The following CYTH3 variants were observed in gnomAD, a reference collection of about 807,000 sequenced individuals.
CYTH3 encodes cytohesin-3.
In CYTH3, 23 loss-of-function variants were observed where a neutral mutation model predicts 55.1. That is an observed-to-expected ratio of 0.42 (90% CI 0.30 to 0.59). CYTH3 has a LOEUF of 0.59. Among genes scored for constraint, CYTH3 ranks in the 20% least tolerant of loss-of-function variants. CYTH3 has a pLI of 0.20. For missense variants in CYTH3, 413 were observed against 524.8 expected, an observed-to-expected ratio of 0.79 and a Z score of 2.08; for synonymous variants, 249 against 194.9, an observed-to-expected ratio of 1.28 and a Z score of -2.31.
In CYTH3 at chr7:6,167,875, AGCTCCACCTTGGGTCCCCC is replaced by A. The variant is rs1251487329; in HGVS notation, c.824-2084_824-2066del. 2.0e-5 allele frequency among the ~76,000 whole-genome samples: 3 copies of A among 152,158 alleles called. No individual in the cohort carries two copies. The highest frequency in any genetic ancestry group is 2.9e-5 in the Non-Finnish European group (2 of 68,018). ...GGAGGGGTCTGCCAGGTGGCCTCTC[AGCTCCACCTTGGGTCCCCC>A]GCTCACACCTCCCATGCAGAGCCCC... On this transcript the variant is annotated intron_variant, in intron 9 of 12. Coordinates refer to ENST00000350796, the MANE Select transcript of CYTH3 (RefSeq NM_004227.4). This position sits in a 1 kb window ranked among gnomAD's most constrained non-coding sequence, Gnocchi z 5.5.
rs544776745 is a variant in CYTH3, at chr7:6,171,063, G to A, written c.563-85C>T. ...CGTGCTGGGGGCCCGCCTGCAAGAG[G>A]TGCCCGGCCCACAGGTCGTCCTCGC... On this transcript the variant is annotated intron_variant, in intron 7 of 12. Coordinates refer to ENST00000350796, the MANE Select transcript of CYTH3 (RefSeq NM_004227.4). The surrounding 1 kb of genome is among the most constrained non-coding windows in gnomAD (Gnocchi z 6.7). 27 of 1,595,724 alleles carry A rather than the reference G, an allele frequency of 1.7e-5. No individual in the cohort carries two copies. The African/African-American group carries it at 3.2e-4, about 19-fold the overall frequency.
intron 1 of CYTH3, among the ~76,000 whole-genome samples, chr7:6,256,262 C>T (rs567754666): frequency 6.6e-6 from 1 of 152,266 alleles, no homozygotes; most frequent in African/African-American, 2.4e-5. Context: ...GATATTCTCT[C>T]CAAAGGGAGT....
rs775587767 is a variant in CYTH3, at chr7:6,171,238, A to G, written c.526T>C (p.Tyr176His). The stretch of plus-strand genomic sequence containing the variant: ...AAGACCCCGGGGTTGCACAGGCAGT[A>G]GCGAGAAGCGAAAGCCTCCATCATG... Reference protein sequence around the residue: ...DRMMEAFASRYCLCNPGVFQS... With the variant: ...DRMMEAFASRHCLCNPGVFQS... The change falls in exon 7 of 13, where the codon TAC (tyrosine) becomes CAC (histidine). Residue 176 changes from tyrosine (Y) to histidine (H), a missense_variant. Tyr to His is a moderately conservative substitution (Grantham distance 83). Transcript: ENST00000350796. The surrounding 1 kb of genome is among the most constrained non-coding windows in gnomAD (Gnocchi z 6.7). 1 of 1,614,162 alleles carries G rather than the reference A, an allele frequency of 6.2e-7. No individual in the cohort carries two copies.
chr7:6,170,638 A>G lies in CYTH3; in HGVS notation c.720T>C (p.Tyr240=). The G allele has an allele frequency of 6.2e-7, 1 of 1,613,742 alleles. No individual in the cohort carries two copies. Among genetic ancestry groups the G allele is most frequent in the Non-Finnish European group, 8.5e-7 (1 of 1,179,800 alleles). ...DLPEELLRNL[Y]ESIKNEPFKI... ...TAAATGGCTCGTTCTTAATGCTCTC[A>G]TACAAATTCTGCAAGGAGGGAAAAC... is the stretch of plus-strand genomic sequence containing the variant. Residue 240 remains tyrosine (Y), a synonymous_variant, in exon 9 of 13, where the codon TAT becomes TAC. Transcript: ENST00000350796. This position sits in a 1 kb window ranked among gnomAD's most constrained non-coding sequence, Gnocchi z 7.8.
chr7:6,263,151 A>G (rs1583207324), intron 1 of CYTH3, among the ~76,000 whole-genome samples: 1 of 152,230 alleles, frequency 6.6e-6, no homozygotes, highest in South Asian at 2.1e-4. Flanking sequence ...CACTTACGAG[A>G]AACCTTCACA....
In CYTH3 at chr7:6,164,719, CACGGT is replaced by C; in HGVS notation, c.*220_*224del. The stretch of plus-strand genomic sequence containing the variant: ...GGAGGCCTCGAGGATCAGTCTGGGC[CACGGT>C]ACGCTCTGGAGCAGCAGCTTGCACT... On this transcript the variant is annotated 3_prime_UTR_variant, in exon 13 of 13. Coordinates refer to ENST00000350796, the MANE Select transcript of CYTH3 (RefSeq NM_004227.4). 3 of 618,650 alleles carry C rather than the reference CACGGT, an allele frequency of 4.8e-6. No individual in the cohort carries two copies. The highest frequency in any genetic ancestry group is 8.6e-6 in the Non-Finnish European group (3 of 347,524). 38.3% of individuals were successfully genotyped at this position (618,650 alleles called of 1,614,324 possible).
At chr7:6,244,023 C>T (rs1267390613) in intron 1 of CYTH3, among the ~76,000 whole-genome samples, 1 of 152,082 alleles carries the variant, frequency 6.6e-6, no homozygotes, top group African/African-American at 2.4e-5. Flanking sequence ...ATTAGAATTC[C>T]TGTATTTACA....
intron 1 of CYTH3, among the ~76,000 whole-genome samples, chr7:6,239,692 T>C (rs1320561616): frequency 6.6e-6 from 1 of 152,136 alleles, no homozygotes; most frequent in African/African-American, 2.4e-5. Context: ...AAAATTAATA[T>C]AGAGAAATCA....
chr7:6,214,583 T>C (rs2128549969), intron 1 of CYTH3, among the ~76,000 whole-genome samples: 1 of 152,298 alleles, frequency 6.6e-6, no homozygotes, highest in Admixed American at 6.5e-5. Flanking sequence ...TGAGAGCTGG[T>C]ACCTAAGAGG....
At position 6,164,872 on chromosome 7, in the gene CYTH3, C is replaced by A; in HGVS notation, c.*72G>T. The A allele has an allele frequency of 6.4e-7, 1 of 1,568,392 alleles. No individual in the cohort carries two copies. ...GGCGACTGCCTCCCTGCCACGCCTT[C>A]CGCGGAGGGGCCGCCCGCGGTGTCT... is the stretch of plus-strand genomic sequence containing the variant. On this transcript the variant is annotated 3_prime_UTR_variant, in exon 13 of 13. Transcript: ENST00000350796.
intron 1 of CYTH3, among the ~76,000 whole-genome samples, chr7:6,223,167 G>T (rs572936375): frequency 1.5e-3 from 227 of 152,100 alleles, no homozygotes; most frequent in African/African-American, 5.2e-3. Context: ...CGTCTGGGAG[G>T]TGGGGGGCGC....
chr7:6,259,754 ATATTATATATATATATAT>A lies in CYTH3; in HGVS notation c.34+12702_34+12719del, dbSNP rs1780239589. ...ACATACATATATATAATATATATATATATTATATATATATATATTATATATATATAATATATATATATA... is the reference window on the plus strand; with the variant it reads ...ACATACATATATATAATATATATATATATATATATATAATATATATATATA... On this transcript the variant is annotated intron_variant, in intron 1 of 12. Transcript: ENST00000350796. Among the ~76,000 whole-genome samples, 12 of 11,634 alleles carry A rather than the reference ATATTATATATATATATAT, an allele frequency of 1.0e-3. 1 individual carries two copies. The South Asian group carries it at 0.024, about 24-fold the overall frequency. 7.6% of individuals were successfully genotyped at this position (11,634 alleles called of 152,430 possible).
At chr7:6,186,176 G>A (rs541464739) in intron 4 of CYTH3, among the ~76,000 whole-genome samples, 77 of 151,052 alleles carry the variant, frequency 5.1e-4, no homozygotes, top group African/African-American at 1.7e-3. Context: ...CCCGGGAGGC[G>A]GAGCTTGCAG....
chr7:6,219,534 G>C (rs535299190), intron 1 of CYTH3, among the ~76,000 whole-genome samples: 1 of 152,158 alleles, frequency 6.6e-6, no homozygotes, highest in Non-Finnish European at 1.5e-5. Flanking sequence ...TAAAAGGTGA[G>C]AGTATCCATT....
In CYTH3 at chr7:6,170,991, C is replaced by A. The variant is rs1783171275; in HGVS notation, c.563-13G>T. 1 of 1,613,298 alleles carries A rather than the reference C, an allele frequency of 6.2e-7. No homozygotes were observed. The highest frequency in any genetic ancestry group is 2.2e-5 in the East Asian group (1 of 44,862). On this transcript the variant is annotated splice_polypyrimidine_tract_variant and intron_variant, in intron 7 of 12. Transcript: ENST00000350796. This position sits in a 1 kb window ranked among gnomAD's most constrained non-coding sequence, Gnocchi z 7.8. Reference sequence around the variant, plus strand: ...ACGTAGCACGTGTCTGCAACGAGTCCGGGGTGCTGGGCTCAGCCAGAACCT... The same window carrying A: ...ACGTAGCACGTGTCTGCAACGAGTCAGGGGTGCTGGGCTCAGCCAGAACCT...
At chr7:6,208,313 C>T (rs912198867) in intron 1 of CYTH3, among the ~76,000 whole-genome samples, 1 of 152,166 alleles carries the variant, frequency 6.6e-6, no homozygotes, top group Non-Finnish European at 1.5e-5. Context: ...GCCTTTTGGA[C>T]TCATATATAA....
At chr7:6,264,025 T>C (rs938152596) in intron 1 of CYTH3, among the ~76,000 whole-genome samples, 7 of 151,926 alleles carry the variant, frequency 4.6e-5, no homozygotes, top group African/African-American at 1.7e-4. Flanking sequence ...GGCCGGCAGA[T>C]CATCTGAGGT....
chr7:6,270,338 G>T (rs1222963939), intron 1 of CYTH3, among the ~76,000 whole-genome samples: 2 of 152,128 alleles, frequency 1.3e-5, no homozygotes, highest in African/African-American at 2.4e-5. Flanking sequence ...ATCAATAAAG[G>T]TTAAAAGTTA....
At position 6,247,749 on chromosome 7, in the gene CYTH3, G is replaced by A. The variant is rs567475255; in HGVS notation, c.34+24725C>T. ...GTCTTGACAACTTCTGGGCTCAAGC[G>A]ATCCTCCCACCTTAGCCTCTGAGTA... On this transcript the variant is annotated intron_variant, in intron 1 of 12. Coordinates refer to ENST00000350796, the MANE Select transcript of CYTH3 (RefSeq NM_004227.4). 4.6e-5 allele frequency among the ~76,000 whole-genome samples: 7 copies of A among 151,978 alleles called. No individual in the cohort carries two copies. In the East Asian group the frequency reaches 5.8e-4, roughly 13 times the overall value.
Sources: allele counts gnomAD v4.1 joint callset (sites outside exome capture counted in the v4.1 genomes callset), GRCh38; gene constraint gnomAD v4.1.1; non-coding constraint Gnocchi (gnomAD v3.1); transcripts MANE v1.5; gene names NCBI Gene and HGNC (gene_info 2026-07-23, HGNC 2026-07-21).